Variants in CHRNA7 observed in about 807,000 individuals in gnomAD.
The protein encoded by CHRNA7 is cholinergic receptor nicotinic alpha 7 subunit, also known as neuronal acetylcholine receptor subunit alpha-7.
Under a neutral mutation model 48.0 loss-of-function variants are expected in CHRNA7, and 17 were observed. The ratio of observed to expected loss-of-function variants is 0.35; its 90% CI spans 0.24 to 0.53. CHRNA7 has a LOEUF of 0.53. Ranked by LOEUF, CHRNA7 falls within the 20% of genes least tolerant of loss-of-function variation. The pLI, the probability that CHRNA7 is intolerant of heterozygous loss-of-function variation, is 0.92. For missense variants in CHRNA7, 155 were observed against 577.7 expected (o/e 0.27, Z 7.50); for synonymous variants, 75 against 242.3 (o/e 0.31, Z 6.41).
intron 2 of CHRNA7, among the ~76,000 whole-genome samples, chr15:32,049,218 G>A (rs1310437642): frequency 1.1e-4 from 17 of 151,818 alleles, no homozygotes; most frequent in African/African-American, 3.9e-4. Flanking sequence ...TTTCTGTCTC[G>A]TTGATCTGTC....
At chr15:32,038,233 GTA>G (rs1407427199) in intron 2 of CHRNA7, among the ~76,000 whole-genome samples, 1 of 148,782 alleles carries the variant, frequency 6.7e-6, no homozygotes, top group African/African-American at 2.5e-5. Flanking sequence ...TGAAAAATAT[GTA>G]TATACACACA....
chr15:32,094,762 G>A (rs894681198), intron 2 of CHRNA7, among the ~76,000 whole-genome samples: 1 of 151,910 alleles, frequency 6.6e-6, no homozygotes, highest in Non-Finnish European at 1.5e-5. Flanking sequence ...CCAGGTTCGT[G>A]CCATTCTCCT....
At chr15:32,071,592 A>G (rs547958843) in intron 2 of CHRNA7, among the ~76,000 whole-genome samples, 28 of 152,258 alleles carry the variant, frequency 1.8e-4, no homozygotes, top group African/African-American at 6.7e-4. Context: ...TGATTGGAGC[A>G]GATCCCTCAT....
chr15:32,090,692 T>C (rs1186963467), intron 2 of CHRNA7, among the ~76,000 whole-genome samples: 1 of 152,168 alleles, frequency 6.6e-6, no homozygotes. Flanking sequence ...GAGTGATTAA[T>C]TCTAAGCTAT....
At chr15:32,112,469 C>T (rs1159561893) in intron 4 of CHRNA7, 6 of 400,858 alleles carry the variant, frequency 1.5e-5, no homozygotes, top group Non-Finnish European at 2.5e-5. Context: ...ATAAGGGACA[C>T]GTCGGTAAAC....
At chr15:32,032,697 G>C (rs1014215336) in intron 2 of CHRNA7, among the ~76,000 whole-genome samples, 3 of 152,120 alleles carry the variant, frequency 2.0e-5, no homozygotes, top group African/African-American at 7.2e-5. Flanking sequence ...CTCCACAGCT[G>C]TCTCTCTTGG....
chr15:32,127,516 A>C (rs1018588464), intron 4 of CHRNA7, among the ~76,000 whole-genome samples: 20 of 152,162 alleles, frequency 1.3e-4, no homozygotes, highest in African/African-American at 4.6e-4. Flanking sequence ...GTGATAACCC[A>C]TTGTGTTTTT....
intron 3 of CHRNA7, among the ~76,000 whole-genome samples, chr15:32,106,736 A>G (rs1163839689): frequency 1.3e-5 from 2 of 152,178 alleles, no homozygotes; most frequent in African/African-American, 4.8e-5. Flanking sequence ...TCATTTTGCA[A>G]TTGTGACCAT....
chr15:32,112,707 GA>G (rs755781698), intron 4 of CHRNA7, among the ~76,000 whole-genome samples: 10 of 152,218 alleles, frequency 6.6e-5, no homozygotes, highest in Non-Finnish European at 1.5e-4. Context: ...AGGCTTTCCT[GA>G]TGCAGGGAAC....
At chr15:32,110,051 G>A (rs1043035293) in intron 3 of CHRNA7, among the ~76,000 whole-genome samples, 10 of 152,332 alleles carry the variant, frequency 6.6e-5, no homozygotes, top group South Asian at 4.1e-4. Flanking sequence ...AGGGCAGTTC[G>A]TGGAATCTTG....
intron 3 of CHRNA7, chr15:32,102,914 T>A (rs941886966): frequency 4.6e-5 from 7 of 152,238 alleles, no homozygotes; most frequent in Non-Finnish European, 1.0e-4. Flanking sequence ...CTCCTTCAAT[T>A]TTGTTGAAAA....
intron 2 of CHRNA7, among the ~76,000 whole-genome samples, chr15:32,050,138 C>T (rs2049639693): frequency 1.3e-5 from 2 of 152,194 alleles, no homozygotes; most frequent in South Asian, 2.1e-4. Context: ...AGTTGCTCTT[C>T]TCGATGAGTA....
chr15:32,079,799 T>C (rs1240234338), intron 2 of CHRNA7, among the ~76,000 whole-genome samples: 1 of 151,938 alleles, frequency 6.6e-6, no homozygotes, highest in Non-Finnish European at 1.5e-5. Flanking sequence ...AAAAACTACT[T>C]TAAAATTCAT....
At chr15:32,070,887 C>T (rs1398438768) in intron 2 of CHRNA7, among the ~76,000 whole-genome samples, 1 of 151,716 alleles carries the variant, frequency 6.6e-6, no homozygotes, top group Non-Finnish European at 1.5e-5. Context: ...TAGGGTTTCA[C>T]CGTGTTAGCC....
chr15:32,066,908 T>A (rs1372408765), intron 2 of CHRNA7, among the ~76,000 whole-genome samples: 1 of 152,014 alleles, frequency 6.6e-6, no homozygotes, highest in African/African-American at 2.4e-5. Context: ...TATTAACTAA[T>A]GAGTTTCAAT....
intron 4 of CHRNA7, among the ~76,000 whole-genome samples, chr15:32,135,360 A>C (rs1297862023): frequency 6.6e-6 from 1 of 152,252 alleles, no homozygotes; most frequent in Non-Finnish European, 1.5e-5. Context: ...AGATGTTCTC[A>C]GTTCAATGGG....
chr15:32,120,762 G>A (rs1458398052), intron 4 of CHRNA7, among the ~76,000 whole-genome samples: 1 of 152,090 alleles, frequency 6.6e-6, no homozygotes, highest in African/African-American at 2.4e-5. Context: ...CACCCCCAAG[G>A]GCCCTGAAGC....
chr15:32,051,595 C>G lies in CHRNA7; in HGVS notation c.195+20558C>G, dbSNP rs992483607. Among the ~76,000 whole-genome samples, 6 of 152,034 alleles carry G rather than the reference C, an allele frequency of 3.9e-5. No homozygotes were observed. In the East Asian group the frequency reaches 9.7e-4, roughly 25 times the overall value. On this transcript the variant is annotated intron_variant, in intron 2 of 9. Coordinates refer to ENST00000306901, the MANE Select transcript of CHRNA7 (RefSeq NM_000746.6). ...GGAAAGGGAACTCCCTGACCCCTTG[C>G]ACTTCCCGAGTGAGGCAATGCCTCG... is the stretch of plus-strand genomic sequence containing the variant.
intron 8 of CHRNA7, chr15:32,162,279 AG>A (rs2051923135): frequency 6.6e-6 from 1 of 152,008 alleles, no homozygotes; most frequent in African/African-American, 2.4e-5. Flanking sequence ...CCAGGGGTCA[AG>A]GGTTGGGAGA....
Sources: gnomAD v4.1 joint callset for allele counts (sites outside exome capture counted in the v4.1 genomes callset) on GRCh38, gnomAD v4.1.1 for gene constraint, MANE v1.5 for transcripts, NCBI Gene and HGNC (gene_info 2026-07-23, HGNC 2026-07-21) for gene names.